Variants in CUBN observed in about 807,000 individuals in gnomAD.
CUBN encodes cubilin.
In CUBN, 282 loss-of-function variants were observed where a neutral mutation model predicts 405.3. The observed-to-expected ratio is 0.70, with a 90% CI of 0.63 to 0.77. CUBN has a LOEUF of 0.77. Among genes scored for constraint, CUBN ranks in the 30% least tolerant of loss-of-function variants. The pLI is 0.00. For missense variants in CUBN, 4,514 were observed against 4,475.2 expected (o/e 1.01, Z -0.25); for synonymous variants, 1,684 against 1,617.0 (o/e 1.04, Z -0.99).
rs1420929372 is a variant in CUBN at position 16,840,612 on chromosome 10, TC to T, written c.9827-78del. The T allele has an allele frequency of 3.2e-5, 38 of 1,203,740 alleles. No individual in the cohort carries two copies. The Middle Eastern group carries it at 8.0e-4, about 25-fold the overall frequency. 74.6% of individuals were successfully genotyped at this position (1,203,740 alleles called of 1,614,324 possible). On this transcript the variant is annotated intron_variant, in intron 61 of 66. Coordinates refer to ENST00000377833, the MANE Select transcript of CUBN (RefSeq NM_001081.4). ...TCAGGCAATCTTTGCAATTCTGTCT[TC>T]CCTGCCTCCCACCCCGGAGGAGCTA...
At chr10:16,907,052 T>C (rs541441792) in intron 49 of CUBN, among the ~76,000 whole-genome samples, 18 of 152,348 alleles carry the variant, frequency 1.2e-4, no homozygotes, top group African/African-American at 4.1e-4. Flanking sequence ...GAATATTCTA[T>C]ATCAAATCAA....
At chr10:17,019,138 G>C (rs1834425219) in intron 28 of CUBN, among the ~76,000 whole-genome samples, 1 of 152,084 alleles carries the variant, frequency 6.6e-6, no homozygotes, top group South Asian at 2.1e-4. Flanking sequence ...CCACATTTTG[G>C]GAACCACTGC....
chr10:16,861,465 GAAT>G (rs1840010765), intron 59 of CUBN, among the ~76,000 whole-genome samples: 1 of 152,136 alleles, frequency 6.6e-6, no homozygotes, highest in Non-Finnish European at 1.5e-5. Context: ...CCTGGCCAAT[GAAT>G]GCCTTCTTAT....
At chr10:16,988,314 G>T (rs1446492885) in intron 29 of CUBN, among the ~76,000 whole-genome samples, 2 of 152,186 alleles carry the variant, frequency 1.3e-5, no homozygotes, top group African/African-American at 2.4e-5. Context: ...TTGCAGGCGA[G>T]CGAGGCCATC....
intron 36 of CUBN, among the ~76,000 whole-genome samples, chr10:16,941,779 C>A (rs1336254313): frequency 6.6e-6 from 1 of 151,982 alleles, no homozygotes; most frequent in Non-Finnish European, 1.5e-5. Flanking sequence ...GAGATAGAGG[C>A]TGAAGTGAGG....
intron 31 of CUBN, among the ~76,000 whole-genome samples, chr10:16,969,366 T>G (rs1232889241): frequency 6.6e-6 from 1 of 151,742 alleles, no homozygotes; most frequent in Non-Finnish European, 1.5e-5. Flanking sequence ...GCTCCATTTT[T>G]TTTTTTTTAG....
chr10:16,984,866 G>A (rs1833373130), intron 29 of CUBN, among the ~76,000 whole-genome samples: 1 of 152,200 alleles, frequency 6.6e-6, no homozygotes, highest in Admixed American at 6.5e-5. Context: ...TTCTTTAGGA[G>A]GAGTGGAAAT....
intron 66 of CUBN, among the ~76,000 whole-genome samples, chr10:16,827,724 C>G (rs144069296): frequency 6.6e-6 from 1 of 152,338 alleles, no homozygotes; most frequent in East Asian, 1.9e-4. Context: ...CCCTCAGCCT[C>G]CGGAGTACTT....
chr10:17,074,400 C>A (rs1025004257), intron 17 of CUBN, among the ~76,000 whole-genome samples: 4 of 152,122 alleles, frequency 2.6e-5, no homozygotes, highest in African/African-American at 9.7e-5. Context: ...ACCAAAGACA[C>A]GAGGCAGCCT....
intron 17 of CUBN, among the ~76,000 whole-genome samples, chr10:17,077,153 G>A (rs181485152): frequency 8.7e-4 from 133 of 152,260 alleles, no homozygotes; most frequent in Non-Finnish European, 1.5e-3. Context: ...GTGTTTCACG[G>A]ACCAGGTTCA....
chr10:17,118,515 C>A (rs7909001), intron 6 of CUBN, among the ~76,000 whole-genome samples: 91,814 of 152,052 alleles, frequency 0.6, 28,980 homozygotes, highest in Non-Finnish European at 0.71. Context: ...CGGCTCACTG[C>A]AACATCTGCC....
At chr10:17,120,504 C>T (rs2277210) in intron 6 of CUBN, among the ~76,000 whole-genome samples, 139,086 of 152,238 alleles carry the variant, frequency 0.91, 63,746 homozygotes, top group Non-Finnish European at 0.95. Flanking sequence ...CACACATCAT[C>T]AGTTCTTCTG....
chr10:17,046,097 G>T lies in CUBN; in HGVS notation c.3330-3C>A. 6.2e-7 allele frequency: 1 copy of T among 1,612,240 alleles called. No homozygotes were observed. Among genetic ancestry groups the T allele is most frequent in the Non-Finnish European group, 8.5e-7 (1 of 1,178,614 alleles). ...GTGATTTTTCATAGCCTCCATCTCT[G>T]GCAGAATACAGAAATTAAAATTTAT... On this transcript the variant is annotated splice_polypyrimidine_tract_variant and splice_region_variant and intron_variant, in intron 23 of 66. Transcript: ENST00000377833.
At chr10:17,058,341 A>G (rs902890297) in intron 22 of CUBN, among the ~76,000 whole-genome samples, 1 of 152,024 alleles carries the variant, frequency 6.6e-6, no homozygotes, top group African/African-American at 2.4e-5. Context: ...GGTGTACACA[A>G]TTCTGAAAAT....
At chr10:17,074,454 G>A (rs1835808688) in intron 17 of CUBN, among the ~76,000 whole-genome samples, 1 of 152,194 alleles carries the variant, frequency 6.6e-6, no homozygotes, top group Non-Finnish European at 1.5e-5. Flanking sequence ...CTGAACCTGT[G>A]TGACATTCAC....
intron 36 of CUBN, among the ~76,000 whole-genome samples, chr10:16,942,864 G>C (rs1434012938): frequency 1.3e-5 from 1 of 75,234 alleles, no homozygotes; most frequent in Non-Finnish European, 2.2e-5. Context: ...GGAAGGGAAA[G>C]GAAGGGAAGG....
chr10:16,954,543 G>C lies in CUBN; in HGVS notation c.4701C>G (p.Tyr1567Ter). The change falls in exon 32 of 67, where the codon TAC becomes TAG. Residue 1567 changes from tyrosine (Y) to a stop codon, truncating the protein, a stop_gained. Coordinates refer to ENST00000377833, the MANE Select transcript of CUBN (RefSeq NM_001081.4). LOFTEE classifies it high-confidence loss of function. Reference protein sequence around the residue: ...LEPQDSCIMAYDGLSSTMSRL... With the variant: ...LEPQDSCIMA ...GGGACATTGTGGAGCTTAAGCCATC[G>C]TATGCCTACAAGAAAGGAGACAGGG... 2 of 1,613,436 alleles carry C rather than the reference G, an allele frequency of 1.2e-6. No homozygotes were observed. The highest frequency in any genetic ancestry group is 1.7e-6 in the Non-Finnish European group (2 of 1,179,984).
chr10:16,997,113 C>T (rs1408364611), intron 28 of CUBN, among the ~76,000 whole-genome samples: 1 of 152,150 alleles, frequency 6.6e-6, no homozygotes, highest in Non-Finnish European at 1.5e-5. Context: ...GCTTCATTGG[C>T]AAGGCCAGTT....
chr10:17,065,687 C>A (rs1296430296), intron 21 of CUBN, 49 bp from the exon 22 acceptor site: 1 of 1,609,386 alleles, frequency 6.2e-7, no homozygotes. Flanking sequence ...GTTTGGTATA[C>A]TGAAAATGAT....
Sources: gnomAD v4.1 joint callset for allele counts (sites outside exome capture counted in the v4.1 genomes callset) on GRCh38, gnomAD v4.1.1 for gene constraint, MANE v1.5 for transcripts, NCBI Gene and HGNC (gene_info 2026-07-23, HGNC 2026-07-21) for gene names.